CDH4: variants seen among roughly 807,000 people sequenced by gnomAD.
The protein encoded by CDH4 is cadherin-4.
Under a neutral mutation model 86.0 loss-of-function variants are expected in CDH4, and 33 were observed. That is an observed-to-expected ratio of 0.38 (90% confidence interval 0.29 to 0.51). The LOEUF is 0.51. Among genes scored for constraint, CDH4 ranks in the 20% least tolerant of loss-of-function variants. CDH4 has a pLI of 0.86. For missense variants in CDH4, 1,114 were observed against 1,307.4 expected (o/e 0.85, Z 2.28); for synonymous variants, 555 against 549.4 (o/e 1.01, Z -0.14).
At chr20:61,598,531 C>G (rs1030182076) in intron 2 of CDH4, among the ~76,000 whole-genome samples, 2 of 152,118 alleles carry the variant, frequency 1.3e-5, no homozygotes, top group East Asian at 3.9e-4. Context: ...CCTGAGTGGC[C>G]GAAACAGGGA....
chr20:61,931,248 G>A (rs986085604), intron 13 of CDH4, among the ~76,000 whole-genome samples: 7 of 152,236 alleles, frequency 4.6e-5, no homozygotes, highest in African/African-American at 7.2e-5. Context: ...GACTAGGCCC[G>A]GGCTCCAGGC....
At chr20:61,756,027 C>T (rs2088560984) in intron 3 of CDH4, among the ~76,000 whole-genome samples, 1 of 152,236 alleles carries the variant, frequency 6.6e-6, no homozygotes, top group Non-Finnish European at 1.5e-5. Flanking sequence ...CCCATGCTCA[C>T]GTTCCCACTG....
At chr20:61,632,790 A>G (rs1352749805) in intron 2 of CDH4, among the ~76,000 whole-genome samples, 4 of 147,506 alleles carry the variant, frequency 2.7e-5, no homozygotes, top group African/African-American at 5.1e-5. Context: ...CCGTCTGCCT[A>G]TCTGTACTCC....
At chr20:61,687,102 C>G (rs1048744713) in intron 2 of CDH4, among the ~76,000 whole-genome samples, 2 of 152,206 alleles carry the variant, frequency 1.3e-5, no homozygotes, top group Non-Finnish European at 2.9e-5. Context: ...TCCCCGCACG[C>G]CCTGGCCAGT....
rs183558339 is a variant in CDH4 at position 61,734,184 on chromosome 20, G to A, written c.170-9379G>A. Among the ~76,000 whole-genome samples the A allele has an allele frequency of 1.1e-3, 171 of 152,364 alleles. 2 individuals are homozygous for A. Among genetic ancestry groups the A allele is most frequent in the African/African-American group, 3.8e-3 (160 of 41,590 alleles). On this transcript the variant is annotated intron_variant, in intron 2 of 15. Transcript: ENST00000614565. ...CTGCACCCGTCACTGCCGTGCACGCGTGAGACTGGGGGCTGGGGGGAGATG... is the reference window on the plus strand; with the variant it reads ...CTGCACCCGTCACTGCCGTGCACGCATGAGACTGGGGGCTGGGGGGAGATG...
chr20:61,693,707 G>C (rs1239439024), intron 2 of CDH4, among the ~76,000 whole-genome samples: 4 of 152,146 alleles, frequency 2.6e-5, no homozygotes, highest in Admixed American at 6.5e-5. Context: ...ATCCACCTGG[G>C]CATCCCCAGC....
At chr20:61,494,559 C>T (rs2085646563) in intron 2 of CDH4, among the ~76,000 whole-genome samples, 1 of 152,172 alleles carries the variant, frequency 6.6e-6, no homozygotes, top group Non-Finnish European at 1.5e-5. Flanking sequence ...TGTTTAGCAC[C>T]AGGCTTTTTA....
intron 2 of CDH4, among the ~76,000 whole-genome samples, chr20:61,535,121 G>GC (rs1186098685): frequency 2.6e-5 from 4 of 152,370 alleles, no homozygotes; most frequent in Admixed American, 6.5e-5. Flanking sequence ...CGCTGGTTGA[G>GC]CCCTCACCAT....
At chr20:61,369,553 T>C (rs1034036528) in intron 2 of CDH4, among the ~76,000 whole-genome samples, 1 of 151,238 alleles carries the variant, frequency 6.6e-6, no homozygotes, top group Non-Finnish European at 1.5e-5. Flanking sequence ...TCTTGCTATG[T>C]GTACTGTGCA....
At chr20:61,803,492 G>A (rs116489556) in intron 4 of CDH4, among the ~76,000 whole-genome samples, 2,136 of 152,350 alleles carry the variant, frequency 0.014, 48 homozygotes, top group African/African-American at 0.049. Context: ...GGTAGCTTTG[G>A]TCGGGGGATT....
chr20:61,649,222 C>T (rs536276377), intron 2 of CDH4, among the ~76,000 whole-genome samples: 4 of 152,282 alleles, frequency 2.6e-5, no homozygotes, highest in Admixed American at 2.6e-4. Context: ...GGGCGAAGAC[C>T]CCACAGGGCC....
At chr20:61,307,461 C>A (rs2084423462) in intron 2 of CDH4, among the ~76,000 whole-genome samples, 1 of 152,238 alleles carries the variant, frequency 6.6e-6, no homozygotes, top group Admixed American at 6.5e-5. Context: ...CATGCTCCAA[C>A]ACACGTTGCG....
At chr20:61,652,938 A>ATTTTTTTATTTTTTTTTT (rs1555819717) in intron 2 of CDH4, among the ~76,000 whole-genome samples, 1 of 97,402 alleles carries the variant, frequency 1.0e-5, no homozygotes, top group African/African-American at 3.4e-5. Context: ...TTATTTATTT[A>ATTTTTTTATTTTTTTTTT]TTTTTTTTTT....
intron 2 of CDH4, among the ~76,000 whole-genome samples, chr20:61,352,167 T>C (rs2084716839): frequency 6.6e-6 from 1 of 152,226 alleles, no homozygotes; most frequent in African/African-American, 2.4e-5. Context: ...TCCCAGCCTC[T>C]GGCCACCTTT....
At chr20:61,801,969 G>T (rs1390849968) in intron 4 of CDH4, among the ~76,000 whole-genome samples, 2 of 152,246 alleles carry the variant, frequency 1.3e-5, no homozygotes, top group African/African-American at 4.8e-5. Context: ...GTCTCTGGCA[G>T]CCGGATTCAG....
chr20:61,928,536 C>A, intron 12 of CDH4, 113 bp downstream of exon 12: 2 of 846,500 alleles, frequency 2.4e-6, no homozygotes, highest in South Asian at 1.5e-5. Flanking sequence ...AGTCCTCCAA[C>A]AGGACTGTCC....
In CDH4 at chr20:61,641,612, G is replaced by C. The variant is rs184198974; in HGVS notation, c.170-101951G>C. ...CACCACACCTACAGCTTTGGGATCA[G>C]ATGGGGCTGCCTGACCCACCAGGCA... is the stretch of plus-strand genomic sequence containing the variant. On this transcript the variant is annotated intron_variant, in intron 2 of 15. Transcript: ENST00000614565. 1.3e-3 allele frequency among the ~76,000 whole-genome samples: 193 copies of C among 151,756 alleles called. 5 individuals are homozygous for C. Among genetic ancestry groups the C allele is most frequent in the African/African-American group, 4.3e-3 (178 of 41,108 alleles).
chr20:61,667,432 A>C (rs2087339219), intron 2 of CDH4, among the ~76,000 whole-genome samples: 1 of 152,246 alleles, frequency 6.6e-6, no homozygotes, highest in Non-Finnish European at 1.5e-5. Context: ...TTGCATGTCA[A>C]AGGTCACAGA....
intron 2 of CDH4, among the ~76,000 whole-genome samples, chr20:61,374,652 C>G (rs995080348): frequency 3.9e-5 from 6 of 152,186 alleles, no homozygotes; most frequent in Non-Finnish European, 8.8e-5. Context: ...GGCCAGGGCT[C>G]TCTAGAATTT....
Sources: gnomAD v4.1 joint callset for allele counts (sites outside exome capture counted in the v4.1 genomes callset) on GRCh38, gnomAD v4.1.1 for gene constraint, MANE v1.5 for transcripts, NCBI Gene and HGNC (gene_info 2026-07-23, HGNC 2026-07-21) for gene names.